ZNF778: variants seen among roughly 807,000 people sequenced by gnomAD.
ZNF778 encodes zinc finger protein 778.
ZNF778 carries 37 observed loss-of-function variants against 23.9 expected under a neutral mutation model. The observed-to-expected ratio is 1.54, with a 90% CI of 1.19 to 2.03. ZNF778 has a LOEUF of 2.03. Ranked by LOEUF, ZNF778 falls within the 30% of genes most tolerant of loss-of-function variation. ZNF778 has a pLI of 0.00. For synonymous variants in ZNF778, 483 were observed against 343.9 expected (o/e 1.40, Z -4.48); for missense variants, 1,297 against 934.4 (o/e 1.39, Z -5.06).
chr16:89,218,686 G>C (rs2030607273), intron 1 of ZNF778, among the ~76,000 whole-genome samples: 1 of 152,224 alleles, frequency 6.6e-6, no homozygotes, highest in African/African-American at 2.4e-5. Context: ...AGCTACTCTG[G>C]AGGCTGAGGC....
rs2031906731 is a variant in ZNF778, at chr16:89,231,180, A to G, written c.*2618A>G. On this transcript the variant is annotated 3_prime_UTR_variant, in exon 7 of 7. Coordinates refer to ENST00000433976, the MANE Select transcript of ZNF778 (RefSeq NM_001201407.2). ...ACCTTTAATTGTTGGCATTGACACT[A>G]AAGGTCATCAGATTAGCGGGAACCA... 6.6e-6 allele frequency: 1 copy of G among 152,258 alleles called. No homozygotes were observed. Among genetic ancestry groups the G allele is most frequent in the African/African-American group, 2.4e-5 (1 of 41,432 alleles). 9.4% of individuals were successfully genotyped at this position (152,258 alleles called of 1,614,324 possible).
At chr16:89,221,842 G>C (rs980778184) in intron 2 of ZNF778, among the ~76,000 whole-genome samples, 8 of 150,178 alleles carry the variant, frequency 5.3e-5, no homozygotes, top group Non-Finnish European at 1.0e-4. Flanking sequence ...GTGTTTTCTT[G>C]AGGAAGTGTA....
chr16:89,232,542 T>C lies in ZNF778; in HGVS notation c.*3980T>C, dbSNP rs140924216. ...CTCTCAGAACGTGTTCTGTGTCACTTAGGGCAACTTATGCCCTCCTGTGTG... is the reference window on the plus strand; with the variant it reads ...CTCTCAGAACGTGTTCTGTGTCACTCAGGGCAACTTATGCCCTCCTGTGTG... On this transcript the variant is annotated 3_prime_UTR_variant, in exon 7 of 7. Transcript: ENST00000433976. 1 of 965,674 alleles carries C rather than the reference T, an allele frequency of 1.0e-6. No homozygotes were observed. The highest frequency in any genetic ancestry group is 6.1e-5 in the East Asian group (1 of 16,288). 59.8% of individuals were successfully genotyped at this position (965,674 alleles called of 1,614,324 possible).
chr16:89,218,034 G>C (rs962191507), intron 1 of ZNF778, 124 bp downstream of exon 1: 1 of 152,124 alleles, frequency 6.6e-6, no homozygotes, highest in Non-Finnish European at 1.5e-5. Flanking sequence ...GCGTAAGGTA[G>C]ACCCCTGAGC....
chr16:89,223,922 G>A (rs9924865), intron 4 of ZNF778, among the ~76,000 whole-genome samples: 120,693 of 150,688 alleles, frequency 0.8, 50,693 homozygotes, highest in Non-Finnish European at 0.92. Context: ...GCTCATGCCT[G>A]TAATCCGAGC....
In ZNF778 at chr16:89,228,479, T is replaced by G; in HGVS notation, c.2191T>G (p.Cys731Gly). Reference sequence around the variant, plus strand: ...TTACACTGAAGAGCAGGTTTTTGTATGTAAGGACTGTGGAAAATCTTTTAA... The same window carrying G: ...TTACACTGAAGAGCAGGTTTTTGTAGGTAAGGACTGTGGAAAATCTTTTAA... ...KTYTEEQVFVCKDCGKSFKNS... is the reference protein window; with the variant it reads ...KTYTEEQVFVGKDCGKSFKNS... Residue 731 changes from cysteine (C) to glycine (G), a missense_variant, in exon 7 of 7, where the codon TGT (cysteine) becomes GGT (glycine). Physicochemically the swap from Cys to Gly is radical, Grantham distance 159 (BLOSUM62 -3). Transcript: ENST00000433976. 1 of 1,612,220 alleles carries G rather than the reference T, an allele frequency of 6.2e-7. No individual in the cohort carries two copies. The highest frequency in any genetic ancestry group is 8.5e-7 in the Non-Finnish European group (1 of 1,179,414).
In ZNF778 at chr16:89,232,726, C is replaced by T. The variant is rs1450897735; in HGVS notation, c.*4164C>T. The T allele has an allele frequency of 4.7e-6, 6 of 1,279,636 alleles. No homozygotes were observed. The highest frequency in any genetic ancestry group is 1.3e-5 in the South Asian group (1 of 79,574). The allele number at this position is 1,279,636 out of a possible 1,614,324, so 79.3% of individuals were successfully genotyped here. Reference sequence around the variant, plus strand: ...CCGTCCCTCTCAGGCTAGATCATTCCTAAAGATGGTAAACAACTTGCTGGA... The same window carrying T: ...CCGTCCCTCTCAGGCTAGATCATTCTTAAAGATGGTAAACAACTTGCTGGA... On this transcript the variant is annotated 3_prime_UTR_variant, in exon 7 of 7. Coordinates refer to ENST00000433976, the MANE Select transcript of ZNF778 (RefSeq NM_001201407.2).
Position 89,228,682 on chromosome 16 carries a change from A to C in ZNF778, c.*120A>C. ...GGCTAGGCAATCAGCATCTCATCACAACCCGGCAGGCAGGAACTCACCCTG... is the reference window on the plus strand; with the variant it reads ...GGCTAGGCAATCAGCATCTCATCACCACCCGGCAGGCAGGAACTCACCCTG... On this transcript the variant is annotated 3_prime_UTR_variant, in exon 7 of 7. Coordinates refer to ENST00000433976, the MANE Select transcript of ZNF778 (RefSeq NM_001201407.2). 6.7e-7 allele frequency: 1 copy of C among 1,483,858 alleles called. No homozygotes were observed. Among genetic ancestry groups the C allele is most frequent in the Non-Finnish European group, 8.9e-7 (1 of 1,122,480 alleles). The allele number at this position is 1,483,858 out of a possible 1,614,324, so 91.9% of individuals were successfully genotyped here. A position where few individuals can be genotyped will look rare whatever the true frequency, so the allele number is the denominator to read the frequency against.
chr16:89,221,033 TG>T lies in ZNF778; in HGVS notation c.-93del. 5 of 1,403,248 alleles carry T rather than the reference TG, an allele frequency of 3.6e-6. No homozygotes were observed. The highest frequency in any genetic ancestry group is 4.9e-6 in the Non-Finnish European group (5 of 1,016,674). 86.9% of individuals were successfully genotyped at this position (1,403,248 alleles called of 1,614,324 possible). A position where few individuals can be genotyped will look rare whatever the true frequency, so the allele number is the denominator to read the frequency against. ...CCAGCCATCCGTGGGTCAGGAGGAATGGAGACTGTACCTTCCACATAGATTC... is the reference window on the plus strand; with the variant it reads ...CCAGCCATCCGTGGGTCAGGAGGAATGAGACTGTACCTTCCACATAGATTC... On this transcript the variant is annotated 5_prime_UTR_variant, in exon 2 of 7. It removes the in-frame stop codon of an upstream open reading frame in the 5' UTR. Transcript: ENST00000433976.
rs575496184 is a variant in ZNF778 at position 89,224,060 on chromosome 16, C to T, written c.245-659C>T. On this transcript the variant is annotated intron_variant, in intron 4 of 6. Coordinates refer to ENST00000433976, the MANE Select transcript of ZNF778 (RefSeq NM_001201407.2). ...GGCGCAGTGGCTTAGGGCTGTAATC[C>T]GAGCACTCTGGGAGGCTGGGTGCAG... Among the ~76,000 whole-genome samples the T allele has an allele frequency of 2.2e-4, 33 of 151,380 alleles. No homozygotes were observed. In the South Asian group the frequency reaches 2.7e-3, roughly 12 times the overall value.
In ZNF778 at chr16:89,229,092, C is replaced by G. The variant is rs2031758256; in HGVS notation, c.*530C>G. 1 of 986,596 alleles carries G rather than the reference C, an allele frequency of 1.0e-6. No individual in the cohort carries two copies. The highest frequency in any genetic ancestry group is 1.2e-6 in the Non-Finnish European group (1 of 830,906). The allele number at this position is 986,596 out of a possible 1,614,324, so 61.1% of individuals were successfully genotyped here. The stretch of plus-strand genomic sequence containing the variant: ...TCTTTATGATGCTGCACTGATCATT[C>G]TTGGAGTGAGGACTCTGTTCCCTGT... On this transcript the variant is annotated 3_prime_UTR_variant, in exon 7 of 7. Transcript: ENST00000433976.
At position 89,236,328 on chromosome 16, in the gene ZNF778, A is replaced by C. The variant is rs573595187; in HGVS notation, c.*7766A>C. 6.6e-6 allele frequency: 1 copy of C among 152,360 alleles called. No homozygotes were observed. Among genetic ancestry groups the C allele is most frequent in the East Asian group, 1.9e-4 (1 of 5,196 alleles). The allele number at this position is 152,360 out of a possible 1,614,324, so 9.4% of individuals were successfully genotyped here. ...CCGGGTTTCTCGTCGGAAGCCATAGAGGCCAACAGGAAATGTAGGAGCATT... is the reference window on the plus strand; with the variant it reads ...CCGGGTTTCTCGTCGGAAGCCATAGCGGCCAACAGGAAATGTAGGAGCATT... On this transcript the variant is annotated 3_prime_UTR_variant, in exon 7 of 7. Transcript: ENST00000433976.
chr16:89,234,137 A>G lies in ZNF778; in HGVS notation c.*5575A>G, dbSNP rs771801821. Reference sequence around the variant, plus strand: ...TGACACTGTGAGTGATAAACTTTCCATGTCAGGAACCTGTGTGTGTCACTC... The same window carrying G: ...TGACACTGTGAGTGATAAACTTTCCGTGTCAGGAACCTGTGTGTGTCACTC... On this transcript the variant is annotated 3_prime_UTR_variant, in exon 7 of 7. Transcript: ENST00000433976. The G allele has an allele frequency of 8.7e-6, 4 of 457,948 alleles. No individual in the cohort carries two copies. The highest frequency in any genetic ancestry group is 1.7e-5 in the Non-Finnish European group (4 of 238,254). The allele number at this position is 457,948 out of a possible 1,614,324, so 28.4% of individuals were successfully genotyped here.
At position 89,227,526 on chromosome 16, in the gene ZNF778, G is replaced by C; in HGVS notation, c.1238G>C (p.Arg413Pro). The C allele has an allele frequency of 6.2e-7, 1 of 1,613,912 alleles. No individual in the cohort carries two copies. Among genetic ancestry groups the C allele is most frequent in the Non-Finnish European group, 8.5e-7 (1 of 1,179,954 alleles). The change falls in exon 7 of 7, where the codon CGA (arginine) becomes CCA (proline). Residue 413 changes from arginine to proline, a missense_variant. Physicochemically the swap from Arg to Pro is moderately radical, Grantham distance 103 (BLOSUM62 -2). Coordinates refer to ENST00000433976, the MANE Select transcript of ZNF778 (RefSeq NM_001201407.2). The stretch of plus-strand genomic sequence containing the variant: ...TCCTCATGCCTTAATAATCATGTTC[G>C]AATTCACACTGGAATAAAACCCTAT... The part of the protein sequence containing the change: ...RNSSCLNNHV[R>P]IHTGIKPYTC...
rs927146505 is a variant in ZNF778, at chr16:89,232,512, C to T, written c.*3950C>T. 8 of 671,904 alleles carry T rather than the reference C, an allele frequency of 1.2e-5. No homozygotes were observed. In the East Asian group the frequency reaches 5.4e-4, roughly 46 times the overall value. The allele number at this position is 671,904 out of a possible 1,614,324, so 41.6% of individuals were successfully genotyped here. A position where few individuals can be genotyped will look rare whatever the true frequency, so the allele number is the denominator to read the frequency against. Reference sequence around the variant, plus strand: ...TTAGGCAGATACCTGTATTTCTCTTCCTAACTCTCAGAACGTGTTCTGTGT... The same window carrying T: ...TTAGGCAGATACCTGTATTTCTCTTTCTAACTCTCAGAACGTGTTCTGTGT... On this transcript the variant is annotated 3_prime_UTR_variant, in exon 7 of 7. Transcript: ENST00000433976.
At chr16:89,220,460 A>T (rs1273639514) in intron 1 of ZNF778, among the ~76,000 whole-genome samples, 2 of 152,200 alleles carry the variant, frequency 1.3e-5, no homozygotes, top group Non-Finnish European at 2.9e-5. Context: ...GATCAAGACC[A>T]TCCTGGCTAA....
In ZNF778 at chr16:89,217,721, G is replaced by C. The variant is rs1199647557; in HGVS notation, c.-321G>C. 1 of 152,264 alleles carries C rather than the reference G, an allele frequency of 6.6e-6. No individual in the cohort carries two copies. Among genetic ancestry groups the C allele is most frequent in the Non-Finnish European group, 1.5e-5 (1 of 68,054 alleles). 9.4% of individuals were successfully genotyped at this position (152,264 alleles called of 1,614,324 possible). ...CCTCCGCCTGTCTTACAGCTGATCC[G>C]GTTCTTGCGGCGGTGCGTGCTGGCG... is the stretch of plus-strand genomic sequence containing the variant. On this transcript the variant is annotated 5_prime_UTR_variant, in exon 1 of 7. Transcript: ENST00000433976.
In ZNF778 at chr16:89,234,031, TC is replaced by T. The variant is rs1244143965; in HGVS notation, c.*5473del. 8.0e-6 allele frequency: 8 copies of T among 1,005,164 alleles called. 1 individual carries two copies. The highest frequency in any genetic ancestry group is 8.0e-5 in the South Asian group (6 of 75,432). The allele number at this position is 1,005,164 out of a possible 1,614,324, so 62.3% of individuals were successfully genotyped here. ...CTGTGAAAACCCTGTGGCCTCTGCCTCCCCTGGCTCTGACTTCTGCCTCCTG... is the reference window on the plus strand; with the variant it reads ...CTGTGAAAACCCTGTGGCCTCTGCCTCCCTGGCTCTGACTTCTGCCTCCTG... On this transcript the variant is annotated 3_prime_UTR_variant, in exon 7 of 7. Coordinates refer to ENST00000433976, the MANE Select transcript of ZNF778 (RefSeq NM_001201407.2).
chr16:89,220,890 A>G lies in ZNF778; in HGVS notation c.-131-107A>G, dbSNP rs149521985. The G allele has an allele frequency of 1.0e-3, 552 of 527,456 alleles. 3 individuals carry two copies. The highest frequency in any genetic ancestry group is 9.1e-3 in the African/African-American group (475 of 52,314). 32.7% of individuals were successfully genotyped at this position (527,456 alleles called of 1,614,324 possible). A position where few individuals can be genotyped will look rare whatever the true frequency, so the allele number is the denominator to read the frequency against. The stretch of plus-strand genomic sequence containing the variant: ...GTGACGTGGATATTACTAGTCCTCA[A>G]GAGAGTAAAGTGGATATAGTGGCTT... On this transcript the variant is annotated intron_variant, in intron 1 of 6. Coordinates refer to ENST00000433976, the MANE Select transcript of ZNF778 (RefSeq NM_001201407.2).
Sources: allele counts gnomAD v4.1 joint callset (sites outside exome capture counted in the v4.1 genomes callset), GRCh38; gene constraint gnomAD v4.1.1; transcripts MANE v1.5; gene names NCBI Gene and HGNC (gene_info 2026-07-23, HGNC 2026-07-21).